Variants in CTNND2 observed in about 807,000 individuals in gnomAD.
CTNND2 encodes the protein catenin delta-2.
A neutral mutation model predicts 144.4 loss-of-function variants in CTNND2; 22 were observed. That is an observed-to-expected ratio of 0.15 (90% CI 0.11 to 0.22). The LOEUF is 0.22. CTNND2 is among the 10% of genes least tolerant of loss of function. The probability of loss-of-function intolerance (pLI) is 1.00; values close to 1 mark genes in which losing one functional copy is unlikely to be tolerated. For synonymous variants in CTNND2, 751 were observed against 695.6 expected, an observed-to-expected ratio of 1.08 and a Z score of -1.25; for missense variants, 1,353 against 1,618.8, an observed-to-expected ratio of 0.84 and a Z score of 2.82.
chr5:11,325,956 C>A (rs1251761883), intron 9 of CTNND2, among the ~76,000 whole-genome samples: 2 of 152,294 alleles, frequency 1.3e-5, no homozygotes, highest in East Asian at 3.9e-4. Context: ...CAGAGCCTAA[C>A]TGTAGTACAT....
chr5:10,985,655 C>G (rs755510399), intron 20 of CTNND2, among the ~76,000 whole-genome samples: 7 of 152,182 alleles, frequency 4.6e-5, no homozygotes, highest in African/African-American at 1.4e-4. Context: ...TTCAGGTTAT[C>G]TTTCAATGCA....
At chr5:11,618,426 A>G (rs892780940) in intron 2 of CTNND2, among the ~76,000 whole-genome samples, 1 of 152,152 alleles carries the variant, frequency 6.6e-6, no homozygotes, top group African/African-American at 2.4e-5. Context: ...CAAAAAGGAA[A>G]AAACTTCTGG....
chr5:11,519,008 AAC>A (rs142163506), intron 3 of CTNND2, among the ~76,000 whole-genome samples: 16 of 147,336 alleles, frequency 1.1e-4, no homozygotes, highest in South Asian at 6.4e-4. Flanking sequence ...TCCCTATCTC[AAC>A]ACACACACAC....
rs370446713 is a variant in CTNND2 at position 11,350,196 on chromosome 5, C to T, written c.1373-3569G>A. ...AGATACAGAGAAGAGGTGGGTTCCC[C>T]CTTTAAATAATTAATAACCTGAACA... On this transcript the variant is annotated intron_variant, in intron 8 of 21. Coordinates refer to ENST00000304623, the MANE Select transcript of CTNND2 (RefSeq NM_001332.4). 3.9e-5 allele frequency among the ~76,000 whole-genome samples: 6 copies of T among 152,120 alleles called. No individual in the cohort carries two copies. In the East Asian group the frequency reaches 1.2e-3, roughly 29 times the overall value.
At chr5:11,635,390 G>A (rs2126482938) in intron 2 of CTNND2, among the ~76,000 whole-genome samples, 1 of 152,274 alleles carries the variant, frequency 6.6e-6, no homozygotes, top group East Asian at 1.9e-4. Flanking sequence ...TTAAAAGGAA[G>A]AAGATGAAGG....
intron 16 of CTNND2, among the ~76,000 whole-genome samples, chr5:11,048,232 T>C (rs975348850): frequency 4.6e-5 from 7 of 152,122 alleles, no homozygotes; most frequent in African/African-American, 1.7e-4. Flanking sequence ...TACTTAGCCA[T>C]GAACAAATAA....
intron 10 of CTNND2, among the ~76,000 whole-genome samples, chr5:11,213,221 G>C (rs1738819986): frequency 6.6e-6 from 1 of 152,036 alleles, no homozygotes; most frequent in South Asian, 2.1e-4. Flanking sequence ...TTGTGTTTCT[G>C]TGTTTAGCTC....
chr5:11,117,695 G>GAA (rs1197526654), intron 12 of CTNND2, 128 bp from the exon 13 acceptor site: 3 of 712,428 alleles, frequency 4.2e-6, no homozygotes, highest in Admixed American at 4.4e-5. Flanking sequence ...TGCTTATCAA[G>GAA]AATATATCTT....
intron 13 of CTNND2, among the ~76,000 whole-genome samples, chr5:11,114,742 A>C (rs1212009649): frequency 6.6e-6 from 1 of 152,192 alleles, no homozygotes; most frequent in Non-Finnish European, 1.5e-5. Flanking sequence ...CAGAGTCACA[A>C]GCTTGTATGG....
chr5:11,191,167 C>A (rs185860508), intron 11 of CTNND2, among the ~76,000 whole-genome samples: 15 of 152,312 alleles, frequency 9.8e-5, no homozygotes, highest in African/African-American at 3.1e-4. Context: ...GGCTTGAAGG[C>A]GCAGCAGGTT....
At chr5:11,197,800 C>G (rs1737022277) in intron 11 of CTNND2, among the ~76,000 whole-genome samples, 1 of 152,216 alleles carries the variant, frequency 6.6e-6, no homozygotes, top group Admixed American at 6.5e-5. Flanking sequence ...TTTAAGCCAT[C>G]ATTCATCTCA....
intron 18 of CTNND2, among the ~76,000 whole-genome samples, chr5:11,014,857 T>G (rs934550857): frequency 1.3e-5 from 2 of 152,114 alleles, no homozygotes; most frequent in African/African-American, 4.8e-5. Flanking sequence ...CCTCACACTT[T>G]CCCTTTTATC....
At chr5:11,220,188 T>TA (rs569007579) in intron 10 of CTNND2, among the ~76,000 whole-genome samples, 41 of 145,348 alleles carry the variant, frequency 2.8e-4, no homozygotes, top group South Asian at 4.4e-4. Context: ...TAAAAATCCA[T>TA]AAAAAAAAAA....
At chr5:11,836,763 C>T (rs961334406) in intron 1 of CTNND2, among the ~76,000 whole-genome samples, 8 of 151,996 alleles carry the variant, frequency 5.3e-5, no homozygotes, top group African/African-American at 1.9e-4. Context: ...TTAGCTTTAC[C>T]GAAGGTAGGT....
intron 9 of CTNND2, among the ~76,000 whole-genome samples, chr5:11,296,268 C>T (rs1748980828): frequency 6.6e-6 from 1 of 151,922 alleles, no homozygotes; most frequent in Middle Eastern, 3.2e-3. Context: ...AAATGCAAAT[C>T]AAAACCACAA....
At chr5:11,240,033 G>C (rs1290854570) in intron 9 of CTNND2, among the ~76,000 whole-genome samples, 2 of 152,036 alleles carry the variant, frequency 1.3e-5, no homozygotes, top group Non-Finnish European at 2.9e-5. Context: ...GAAAGGGCTT[G>C]GACATGGACA....
intron 2 of CTNND2, among the ~76,000 whole-genome samples, chr5:11,724,717 T>A (rs927532822): frequency 6.6e-6 from 1 of 152,202 alleles, no homozygotes; most frequent in Admixed American, 6.5e-5. Flanking sequence ...TATGTGGAAT[T>A]GTTTGTGATT....
chr5:11,235,082 C>T (rs1741479124), intron 10 of CTNND2, among the ~76,000 whole-genome samples: 3 of 152,150 alleles, frequency 2.0e-5, no homozygotes, highest in Admixed American at 6.5e-5. Context: ...GTGAGTCATG[C>T]CAGCAACCTT....
At chr5:11,083,897 G>T in intron 15 of CTNND2, 1 of 1,138,664 alleles carries the variant, frequency 8.8e-7, no homozygotes, top group Non-Finnish European at 1.1e-6. Flanking sequence ...CAGGCAGGGA[G>T]CCCCCTCTGG....
Sources: gnomAD v4.1 joint callset for allele counts (sites outside exome capture counted in the v4.1 genomes callset) on GRCh38, gnomAD v4.1.1 for gene constraint, MANE v1.5 for transcripts, NCBI Gene and HGNC (gene_info 2026-07-23, HGNC 2026-07-21) for gene names.